Variants in SEMA3A observed in about 807,000 individuals in gnomAD.
SEMA3A encodes the protein semaphorin 3A.
A neutral mutation model predicts 97.9 loss-of-function variants in SEMA3A; 29 were observed. That is an observed-to-expected ratio of 0.30 (90% CI 0.22 to 0.40). The LOEUF (loss-of-function observed/expected upper bound fraction) is 0.40. Among genes scored for constraint, SEMA3A ranks in the 10% least tolerant of loss-of-function variants. SEMA3A has a pLI of 1.00. For synonymous variants in SEMA3A, 321 were observed against 323.7 expected (o/e 0.99, Z 0.09); for missense variants, 763 against 951.3 (o/e 0.80, Z 2.60).
In SEMA3A at chr7:83,996,407, A is replaced by G. The variant is rs940403579; in HGVS notation, c.1452+5548T>C. On this transcript the variant is annotated intron_variant, in intron 12 of 16. Transcript: ENST00000265362. ...AACCTCCACTTCCCAGGTTCAAGCGATTCTCCTGCCTCAGCCTCCTGAGTA... is the reference window on the plus strand; with the variant it reads ...AACCTCCACTTCCCAGGTTCAAGCGGTTCTCCTGCCTCAGCCTCCTGAGTA... Among the ~76,000 whole-genome samples, 5 of 147,670 alleles carry G rather than the reference A, an allele frequency of 3.4e-5. No individual in the cohort carries two copies. The East Asian group carries it at 1.0e-3, about 30-fold the overall frequency.
At chr7:84,014,497 A>T (rs1262672830) in intron 6 of SEMA3A, 146 bp from the exon 7 acceptor site, 4 of 653,474 alleles carry the variant, frequency 6.1e-6, no homozygotes, top group Non-Finnish European at 1.0e-5. Flanking sequence ...GGTACATATT[A>T]ATTGTTCTTT....
In SEMA3A at chr7:83,983,067, T is replaced by G. The variant is rs144528380; in HGVS notation, c.1495-1589A>C. Among the ~76,000 whole-genome samples, 946 of 152,228 alleles carry G rather than the reference T, an allele frequency of 6.2e-3. 5 individuals are homozygous for G. Among genetic ancestry groups the G allele is most frequent in the African/African-American group, 0.018 (766 of 41,584 alleles). On this transcript the variant is annotated intron_variant, in intron 13 of 16. Coordinates refer to ENST00000265362, the MANE Select transcript of SEMA3A (RefSeq NM_006080.3). ...TATTACTAAGTGCTCAATTTTTTGC[T>G]ATATTCAACTTTTATTATAGTATTG...
At chr7:84,218,659 T>C (rs778873204) in intron 3 of SEMA3A, among the ~76,000 whole-genome samples, 2 of 152,138 alleles carry the variant, frequency 1.3e-5, no homozygotes, top group Non-Finnish European at 2.9e-5. Context: ...ACATTTTTTC[T>C]TAAAAATAAA....
At chr7:84,352,374 AAG>A (rs1554368815) in intron 2 of SEMA3A, among the ~76,000 whole-genome samples, 7 of 151,760 alleles carry the variant, frequency 4.6e-5, no homozygotes, top group African/African-American at 1.7e-4. Context: ...AAATAACAAA[AAG>A]AGTATAATTG....
intron 1 of SEMA3A, among the ~76,000 whole-genome samples, chr7:84,427,571 G>A (rs981411757): frequency 6.7e-6 from 1 of 148,516 alleles, no homozygotes; most frequent in African/African-American, 2.5e-5. Context: ...TTGAACCAGG[G>A]AGGCGGAGGT....
At chr7:83,971,487 AT>A (rs1347656851) in intron 15 of SEMA3A, among the ~76,000 whole-genome samples, 1 of 152,052 alleles carries the variant, frequency 6.6e-6, no homozygotes. Context: ...TGTAGTGCAA[AT>A]AAAAGTCTAC....
chr7:84,401,280 C>T lies in SEMA3A; in HGVS notation c.-245-29380G>A, dbSNP rs571653777. On this transcript the variant is annotated intron_variant, in intron 1 of 3. Coordinates refer to the SEMA3A transcript ENST00000424555. ...CCATTTAAAATAGCTACAAAAAATACCTGGGAATAAATTTAACCAAAAAGT... is the reference window on the plus strand; with the variant it reads ...CCATTTAAAATAGCTACAAAAAATATCTGGGAATAAATTTAACCAAAAAGT... Among the ~76,000 whole-genome samples the T allele has an allele frequency of 2.0e-5, 3 of 151,888 alleles. No individual in the cohort carries two copies. The East Asian group carries it at 5.8e-4, about 29-fold the overall frequency.
At chr7:84,108,115 T>A (rs912056225) in intron 4 of SEMA3A, among the ~76,000 whole-genome samples, 1 of 152,198 alleles carries the variant, frequency 6.6e-6, no homozygotes, top group Non-Finnish European at 1.5e-5. Context: ...TAATTGACTT[T>A]TTTCAGCCAC....
At chr7:84,168,083 G>C (rs950503110) in intron 1 of SEMA3A, among the ~76,000 whole-genome samples, 2 of 151,878 alleles carry the variant, frequency 1.3e-5, no homozygotes, top group South Asian at 2.1e-4. Flanking sequence ...AAGAAATAAG[G>C]CACCATATTT....
chr7:84,055,021 T>A (rs1477829232), intron 5 of SEMA3A, among the ~76,000 whole-genome samples: 3 of 151,992 alleles, frequency 2.0e-5, no homozygotes, highest in African/African-American at 7.2e-5. Flanking sequence ...TGCTCAGGGG[T>A]CAGGGGTCAG....
At chr7:84,190,718 G>A (rs1368146149) in intron 1 of SEMA3A, among the ~76,000 whole-genome samples, 1 of 146,446 alleles carries the variant, frequency 6.8e-6, no homozygotes, top group East Asian at 2.0e-4. Flanking sequence ...ATATATATAT[G>A]TATATATATA....
chr7:84,336,828 T>A (rs1254846255), intron 2 of SEMA3A, among the ~76,000 whole-genome samples: 1 of 152,188 alleles, frequency 6.6e-6, no homozygotes, highest in African/African-American at 2.4e-5. Flanking sequence ...TGTAATCTTG[T>A]AAAATAGTCT....
At chr7:84,002,719 T>A (rs1164846084) in intron 11 of SEMA3A, among the ~76,000 whole-genome samples, 1 of 152,182 alleles carries the variant, frequency 6.6e-6, no homozygotes, top group African/African-American at 2.4e-5. Context: ...TTCAAAAATG[T>A]ACACTTTGAT....
At chr7:84,068,802 AG>A (rs1432080423) in intron 4 of SEMA3A, among the ~76,000 whole-genome samples, 3 of 152,120 alleles carry the variant, frequency 2.0e-5, no homozygotes, top group African/African-American at 7.2e-5. Flanking sequence ...TAGAACTCAT[AG>A]GAAGAGAGGT....
intron 3 of SEMA3A, among the ~76,000 whole-genome samples, chr7:84,249,337 G>A (rs1167952944): frequency 1.4e-5 from 2 of 147,560 alleles, no homozygotes; most frequent in African/African-American, 5.3e-5. Context: ...GATTTGTGCT[G>A]GTCACAGTCT....
chr7:84,360,805 A>G (rs901597529), intron 2 of SEMA3A, among the ~76,000 whole-genome samples: 3 of 151,328 alleles, frequency 2.0e-5, no homozygotes, highest in Admixed American at 6.6e-5. Context: ...TTTATTTTTT[A>G]TTTTTTTTGA....
intron 4 of SEMA3A, among the ~76,000 whole-genome samples, chr7:84,061,629 T>C (rs970766210): frequency 2.0e-5 from 3 of 152,206 alleles, no homozygotes; most frequent in Admixed American, 1.3e-4. Context: ...TATTAAATGG[T>C]GTCCATTTTA....
rs1262087150 is a variant in SEMA3A at position 84,313,350 on chromosome 7, GTGTGTGTATATATATATA to G, written c.-168-6076_-168-6059del. Reference sequence around the variant, plus strand: ...AATACATATATATATATGTATATGTGTGTGTGTATATATATATATATATATATATATATATATATATAT... The same window carrying G: ...AATACATATATATATATGTATATGTGTATATATATATATATATATATATAT... On this transcript the variant is annotated intron_variant, in intron 2 of 3. Transcript: ENST00000424555. 6.0e-3 allele frequency among the ~76,000 whole-genome samples: 234 copies of G among 38,682 alleles called. 10 individuals carry two copies. Among genetic ancestry groups the G allele is most frequent in the African/African-American group, 0.021 (227 of 11,048 alleles). 25.4% of individuals were successfully genotyped at this position (38,682 alleles called of 152,430 possible).
intron 1 of SEMA3A, among the ~76,000 whole-genome samples, chr7:84,379,602 G>C (rs959231347): frequency 3.3e-5 from 5 of 151,982 alleles, no homozygotes; most frequent in African/African-American, 1.2e-4. Flanking sequence ...GCTTCAATTT[G>C]AGGAAGTGAT....
Sources: allele counts gnomAD v4.1 joint callset (sites outside exome capture counted in the v4.1 genomes callset), GRCh38; gene constraint gnomAD v4.1.1; transcripts MANE v1.5; gene names NCBI Gene and HGNC (gene_info 2026-07-23, HGNC 2026-07-21).